CFAP210: variants seen among roughly 807,000 people sequenced by gnomAD.
The protein encoded by CFAP210 is cilia and flagella associated protein 210, also known as cilia- and flagella- associated protein 210.
At chr2:169,652,037 C>T in the CFAP210 span, among the ~76,000 whole-genome samples, 1 of 152,150 alleles carries the variant, frequency 6.6e-6, no homozygotes, top group African/African-American at 2.4e-5. Context: ...AGAGCCTAAG[C>T]ATGTGCCTGG....
the CFAP210 span, among the ~76,000 whole-genome samples, chr2:169,652,861 C>A: frequency 6.7e-6 from 1 of 148,266 alleles, no homozygotes; most frequent in Non-Finnish European, 1.5e-5. Context: ...CTAGCCGGGC[C>A]TGGTGGCGGG....
chr2:169,660,604 A>ATATTT, the CFAP210 span, among the ~76,000 whole-genome samples: 1 of 121,668 alleles, frequency 8.2e-6, no homozygotes, highest in African/African-American at 3.0e-5. Context: ...ATATATATAT[A>ATATTT]TTTTTTTTTT....
chr2:169,670,221 T>C, the CFAP210 span, among the ~76,000 whole-genome samples: 1 of 152,156 alleles, frequency 6.6e-6, no homozygotes, highest in Admixed American at 6.5e-5. Flanking sequence ...TAAGTTTCTT[T>C]TTAATAATTA....
the CFAP210 span, among the ~76,000 whole-genome samples, chr2:169,691,507 T>C: frequency 6.6e-6 from 1 of 152,052 alleles, no homozygotes; most frequent in Non-Finnish European, 1.5e-5. Flanking sequence ...CCTACTTCTG[T>C]AGACATCCTC....
chr2:169,682,084 G>A, the CFAP210 span, among the ~76,000 whole-genome samples: 1 of 152,066 alleles, frequency 6.6e-6, no homozygotes, highest in African/African-American at 2.4e-5. Flanking sequence ...GATTGAGTTG[G>A]GTGTTCCGTT....
the CFAP210 span, among the ~76,000 whole-genome samples, chr2:169,654,376 T>C: frequency 6.6e-6 from 1 of 152,304 alleles, no homozygotes; most frequent in East Asian, 1.9e-4. Context: ...GCATAAAGGT[T>C]TATGTGTCAT....
chr2:169,673,936 C>T, the CFAP210 span, among the ~76,000 whole-genome samples: 1 of 152,028 alleles, frequency 6.6e-6, no homozygotes, highest in Non-Finnish European at 1.5e-5. Flanking sequence ...GTAATAGTAA[C>T]TTCCTTTGGT....
At chr2:169,659,937 T>A in the CFAP210 span, among the ~76,000 whole-genome samples, 1 of 152,232 alleles carries the variant, frequency 6.6e-6, no homozygotes, top group Admixed American at 6.5e-5. Flanking sequence ...TTTATTGACA[T>A]ATAGTTGCTC....
the CFAP210 span, chr2:169,645,708 T>A: frequency 9.2e-6 from 6 of 654,592 alleles, no homozygotes; most frequent in African/African-American, 9.1e-5. Context: ...CCAAAAGAAA[T>A]ACTGAGAACA....
chr2:169,649,155 T>A, the CFAP210 span: 1 of 1,552,080 alleles, frequency 6.4e-7, no homozygotes. Context: ...ATTACTAACA[T>A]AATTATAAAC....
the CFAP210 span, among the ~76,000 whole-genome samples, chr2:169,679,568 C>A: frequency 1.3e-5 from 2 of 151,172 alleles, no homozygotes; most frequent in Admixed American, 1.3e-4. Flanking sequence ...GTAGTCCCAG[C>A]TGCTCAGGAG....
chr2:169,667,225 GC>G, the CFAP210 span, among the ~76,000 whole-genome samples: 4 of 147,454 alleles, frequency 2.7e-5, 1 homozygote, highest in Admixed American at 2.7e-4. Flanking sequence ...TGCAACCTCT[GC>G]CCCCCGGGTT....
chr2:169,667,645 A>T, the CFAP210 span, among the ~76,000 whole-genome samples: 1 of 152,266 alleles, frequency 6.6e-6, no homozygotes, highest in East Asian at 1.9e-4. Context: ...TGAAAACAAC[A>T]TTAATCTCTT....
the CFAP210 span, among the ~76,000 whole-genome samples, chr2:169,676,818 C>T: frequency 2.6e-5 from 4 of 152,226 alleles, no homozygotes; most frequent in Non-Finnish European, 5.9e-5. Context: ...AGTGAGAACT[C>T]TCCAGACTGA....
the CFAP210 span, chr2:169,654,292 G>A: frequency 7.2e-6 from 9 of 1,248,210 alleles, no homozygotes; most frequent in Admixed American, 2.6e-5. Flanking sequence ...ACAAGAACCT[G>A]TCAAATGGTC....
At chr2:169,683,403 C>T in the CFAP210 span, among the ~76,000 whole-genome samples, 1 of 152,226 alleles carries the variant, frequency 6.6e-6, no homozygotes, top group South Asian at 2.1e-4. Context: ...TACATCCTTA[C>T]AGCCTTGTAA....
chr2:169,677,018 A>G, the CFAP210 span, among the ~76,000 whole-genome samples: 17 of 152,222 alleles, frequency 1.1e-4, no homozygotes, highest in Admixed American at 1.1e-3. Context: ...CCATTCATGC[A>G]TAAGGAGCTA....
the CFAP210 span, among the ~76,000 whole-genome samples, chr2:169,654,727 CTCA>C: frequency 6.6e-6 from 1 of 151,854 alleles, no homozygotes; most frequent in Admixed American, 6.6e-5. Flanking sequence ...CTTCAAGTAT[CTCA>C]TGTCTTTAAA....
At chr2:169,674,979 C>T in the CFAP210 span, 1 of 1,544,332 alleles carries the variant, frequency 6.5e-7, no homozygotes, top group Non-Finnish European at 8.7e-7. Flanking sequence ...AAGAATTTGT[C>T]TTTCTGCCTC....
Sources: gnomAD v4.1 joint callset for allele counts (sites outside exome capture counted in the v4.1 genomes callset) on GRCh38, gnomAD v4.1.1 for gene constraint, MANE v1.5 for transcripts, NCBI Gene and HGNC (gene_info 2026-07-23, HGNC 2026-07-21) for gene names.